The following CSMD2 variants were observed in gnomAD, a reference collection of about 807,000 sequenced individuals.
CSMD2 encodes CUB and sushi domain-containing protein 2.
Under a neutral mutation model 398.5 loss-of-function variants are expected in CSMD2, and 130 were observed. The ratio of observed to expected loss-of-function variants is 0.33; its 90% confidence interval spans 0.28 to 0.38. CSMD2 has a LOEUF of 0.38. CSMD2 is among the 10% of genes least tolerant of loss of function. The pLI is 1.00. For synonymous variants in CSMD2, 1,828 were observed against 1,908.5 expected, an observed-to-expected ratio of 0.96 and a Z score of 1.10; for missense variants, 3,829 against 4,764.9, an observed-to-expected ratio of 0.80 and a Z score of 5.78.
intron 19 of CSMD2, among the ~76,000 whole-genome samples, chr1:33,717,694 G>A (rs1365310456): frequency 6.6e-6 from 1 of 151,622 alleles, no homozygotes; most frequent in Admixed American, 6.6e-5. Context: ...GATATCTGAA[G>A]CCACAAGCAA....
At chr1:34,066,136 G>T (rs995096738) in intron 2 of CSMD2, among the ~76,000 whole-genome samples, 1 of 152,184 alleles carries the variant, frequency 6.6e-6, no homozygotes, top group Admixed American at 6.5e-5. Flanking sequence ...AGAACACTCA[G>T]TGAGATGTAG....
At chr1:34,052,842 G>A (rs1031127232) in intron 2 of CSMD2, among the ~76,000 whole-genome samples, 5 of 152,160 alleles carry the variant, frequency 3.3e-5, no homozygotes, top group African/African-American at 9.7e-5. Flanking sequence ...GTCATTGGCA[G>A]CAAGCGCTTT....
At chr1:33,672,732 C>G (rs1411653649) in intron 25 of CSMD2, among the ~76,000 whole-genome samples, 8 of 152,182 alleles carry the variant, frequency 5.3e-5, no homozygotes, top group Non-Finnish European at 7.4e-5. Context: ...GGACTGACAC[C>G]TCACACGGCT....
At chr1:33,875,451 C>T (rs372929735) in intron 5 of CSMD2, 3 of 152,154 alleles carry the variant, frequency 2.0e-5, no homozygotes, top group South Asian at 2.1e-4. Flanking sequence ...GATATCATCA[C>T]GTATAATTCT....
chr1:33,527,381 T>A (rs1032160862), intron 64 of CSMD2, 123 bp from the exon 65 acceptor site: 3 of 656,420 alleles, frequency 4.6e-6, no homozygotes, highest in East Asian at 3.0e-5. Flanking sequence ...TTTCCCCTTA[T>A]TTTTTTTAGA....
intron 58 of CSMD2, 38 bp downstream of exon 58, chr1:33,542,682 A>C: frequency 6.3e-7 from 1 of 1,580,810 alleles, no homozygotes; most frequent in Non-Finnish European, 8.6e-7. Flanking sequence ...GATCTGGGCC[A>C]CTGTTGGCCA....
chr1:33,627,203 T>C (rs1557644355), intron 32 of CSMD2, among the ~76,000 whole-genome samples: 2 of 152,142 alleles, frequency 1.3e-5, no homozygotes, highest in Non-Finnish European at 2.9e-5. Flanking sequence ...CAGGATGTAC[T>C]ATTGCCGGCC....
chr1:33,685,741 C>T (rs1359133369), intron 25 of CSMD2, among the ~76,000 whole-genome samples: 1 of 152,200 alleles, frequency 6.6e-6, no homozygotes, highest in Non-Finnish European at 1.5e-5. Flanking sequence ...CAGAACTCCT[C>T]TCTCTCTTCT....
intron 3 of CSMD2, among the ~76,000 whole-genome samples, chr1:33,998,593 G>A (rs374973674): frequency 6.6e-6 from 1 of 152,178 alleles, no homozygotes; most frequent in African/African-American, 2.4e-5. Flanking sequence ...TAGACTCCTA[G>A]CCTGGCAGCC....
intron 1 of CSMD2, among the ~76,000 whole-genome samples, chr1:34,137,299 A>C (rs1638854662): frequency 6.6e-6 from 1 of 151,718 alleles, no homozygotes; most frequent in Admixed American, 6.6e-5. Flanking sequence ...TATAAGAAAA[A>C]AAAAGTGACT....
intron 13 of CSMD2, among the ~76,000 whole-genome samples, chr1:33,759,687 T>C (rs931240711): frequency 2.0e-5 from 3 of 152,132 alleles, no homozygotes; most frequent in Non-Finnish European, 4.4e-5. Context: ...ATATATAGCC[T>C]CATAGACCTC....
chr1:34,142,785 G>A (rs1050104512), intron 1 of CSMD2, among the ~76,000 whole-genome samples: 1 of 152,138 alleles, frequency 6.6e-6, no homozygotes, highest in Non-Finnish European at 1.5e-5. Flanking sequence ...TCTCTCTTAC[G>A]GACCTGTTTT....
chr1:33,680,974 G>C (rs1029299470), intron 25 of CSMD2, among the ~76,000 whole-genome samples: 14 of 128,920 alleles, frequency 1.1e-4, no homozygotes, highest in Admixed American at 2.0e-4. Context: ...ACCCAGGCTG[G>C]AGTACAGTGG....
At chr1:33,713,982 ATT>A (rs1646075602) in intron 21 of CSMD2, among the ~76,000 whole-genome samples, 1 of 152,288 alleles carries the variant, frequency 6.6e-6, no homozygotes, top group South Asian at 2.1e-4. Flanking sequence ...CGAGTGAAGA[ATT>A]TCTCTGTTTT....
At chr1:34,042,344 C>A (rs1274570460) in intron 2 of CSMD2, among the ~76,000 whole-genome samples, 1 of 152,180 alleles carries the variant, frequency 6.6e-6, no homozygotes, top group Non-Finnish European at 1.5e-5. Context: ...CTCTTTTATT[C>A]CCAAGGTCAA....
At chr1:33,530,310 A>C (rs1341448841) in intron 64 of CSMD2, among the ~76,000 whole-genome samples, 1 of 152,242 alleles carries the variant, frequency 6.6e-6, no homozygotes, top group African/African-American at 2.4e-5. Context: ...TCTGAAAAGA[A>C]GACATACAAA....
intron 3 of CSMD2, among the ~76,000 whole-genome samples, chr1:34,017,789 T>C (rs1031878438): frequency 1.3e-5 from 2 of 152,198 alleles, no homozygotes; most frequent in African/African-American, 4.8e-5. Context: ...ATCAATGCTT[T>C]ATTACATGAA....
intron 12 of CSMD2, among the ~76,000 whole-genome samples, chr1:33,784,873 T>C (rs1487096730): frequency 2.0e-5 from 3 of 152,188 alleles, no homozygotes; most frequent in East Asian, 1.9e-4. Flanking sequence ...ATTATTTCCA[T>C]TGTACAAGTC....
intron 7 of CSMD2, among the ~76,000 whole-genome samples, chr1:33,824,045 G>A (rs780106578): frequency 1.3e-5 from 2 of 152,070 alleles, no homozygotes; most frequent in African/African-American, 2.4e-5. Flanking sequence ...AGGAAGGCAG[G>A]GTAGGATTTT....
Sources: allele counts gnomAD v4.1 joint callset (sites outside exome capture counted in the v4.1 genomes callset), GRCh38; gene constraint gnomAD v4.1.1; transcripts MANE v1.5; gene names NCBI Gene and HGNC (gene_info 2026-07-23, HGNC 2026-07-21).